HPSE2: variants seen among roughly 807,000 people sequenced by gnomAD.
HPSE2 encodes the protein inactive heparanase-2.
In HPSE2, 38 loss-of-function variants were observed where a neutral mutation model predicts 60.5. The observed-to-expected ratio is 0.63, with a 90% confidence interval of 0.48 to 0.82. HPSE2 has a LOEUF of 0.82. Among genes scored for constraint, HPSE2 ranks in the 40% least tolerant of loss-of-function variants. The pLI is 0.00. For missense variants in HPSE2, 713 were observed against 740.4 expected (o/e 0.96, Z 0.43); for synonymous variants, 295 against 293.2 (o/e 1.01, Z -0.06).
At chr10:98,582,877 T>A (rs1944839508) in intron 9 of HPSE2, among the ~76,000 whole-genome samples, 1 of 152,130 alleles carries the variant, frequency 6.6e-6, no homozygotes, top group Non-Finnish European at 1.5e-5. Flanking sequence ...AGAAATTCCA[T>A]AACTATTCAT....
At chr10:98,945,005 A>G (rs1172246136) in intron 3 of HPSE2, among the ~76,000 whole-genome samples, 1 of 152,156 alleles carries the variant, frequency 6.6e-6, no homozygotes, top group East Asian at 1.9e-4. Flanking sequence ...TTTTGCTGTC[A>G]CGCCACAATG....
intron 2 of HPSE2, among the ~76,000 whole-genome samples, chr10:99,222,636 C>T (rs956180127): frequency 9.9e-5 from 15 of 152,134 alleles, no homozygotes; most frequent in South Asian, 2.1e-4. Flanking sequence ...ATTTCCCTTA[C>T]ATCAATAACA....
At chr10:98,542,543 A>T (rs1943508583) in intron 9 of HPSE2, among the ~76,000 whole-genome samples, 1 of 152,070 alleles carries the variant, frequency 6.6e-6, no homozygotes, top group Non-Finnish European at 1.5e-5. Flanking sequence ...CTATGGGAGG[A>T]CATTCAAACC....
At position 98,548,386 on chromosome 10, in the gene HPSE2, T is replaced by C. The variant is rs144839228; in HGVS notation, c.1321-58190A>G. ...AATCCCAGCACTTTGGGAGGCCGAG[T>C]TGGGCATATGGCTTGAGGTCAGGAG... On this transcript the variant is annotated intron_variant, in intron 9 of 11. Transcript: ENST00000370552. Among the ~76,000 whole-genome samples the C allele has an allele frequency of 1.7e-3, 259 of 152,030 alleles. 1 individual carries two copies. The highest frequency in any genetic ancestry group is 6.1e-3 in the African/African-American group (252 of 41,472).
chr10:98,761,483 C>A (rs1950003671), intron 3 of HPSE2, among the ~76,000 whole-genome samples: 1 of 152,026 alleles, frequency 6.6e-6, no homozygotes, highest in Non-Finnish European at 1.5e-5. Context: ...TCATTAAGAT[C>A]TTTCTTTTTT....
chr10:98,607,864 T>G (rs1160891278), intron 9 of HPSE2, among the ~76,000 whole-genome samples: 1 of 152,204 alleles, frequency 6.6e-6, no homozygotes, highest in Non-Finnish European at 1.5e-5. Context: ...AAATATATAT[T>G]TGATAACAAA....
intron 11 of HPSE2, among the ~76,000 whole-genome samples, chr10:98,481,923 A>G (rs908147312): frequency 6.6e-6 from 1 of 152,050 alleles, no homozygotes; most frequent in Non-Finnish European, 1.5e-5. Flanking sequence ...TGTGGCCTAG[A>G]GTTGTTTTGT....
At chr10:99,061,732 G>A (rs1259588862) in intron 3 of HPSE2, among the ~76,000 whole-genome samples, 1 of 152,192 alleles carries the variant, frequency 6.6e-6, no homozygotes, top group East Asian at 1.9e-4. Context: ...CCAATTACTA[G>A]CTGTTTGAGC....
chr10:98,658,996 A>G (rs955423236), intron 6 of HPSE2, among the ~76,000 whole-genome samples: 2 of 151,842 alleles, frequency 1.3e-5, no homozygotes, highest in Admixed American at 1.3e-4. Context: ...CGTTTAGTAC[A>G]TTCACAAAGT....
At chr10:98,630,140 C>T (rs12257179) in intron 7 of HPSE2, among the ~76,000 whole-genome samples, 30 of 151,512 alleles carry the variant, frequency 2.0e-4, no homozygotes, top group Non-Finnish European at 4.3e-4. Context: ...CTATGGTTCA[C>T]TACAAAGAAA....
intron 9 of HPSE2, among the ~76,000 whole-genome samples, chr10:98,549,839 C>T (rs1285562354): frequency 1.3e-5 from 2 of 152,166 alleles, no homozygotes; most frequent in East Asian, 1.9e-4. Flanking sequence ...CTCTCTTAGA[C>T]GTGGTCTTTT....
intron 3 of HPSE2, among the ~76,000 whole-genome samples, chr10:99,104,498 GT>G (rs1844155913): frequency 6.6e-6 from 1 of 152,186 alleles, no homozygotes. Flanking sequence ...GTGGAAGACA[GT>G]GTGGCAATTC....
At chr10:99,042,045 T>C (rs943014318) in intron 3 of HPSE2, among the ~76,000 whole-genome samples, 10 of 152,174 alleles carry the variant, frequency 6.6e-5, no homozygotes, top group African/African-American at 2.4e-4. Flanking sequence ...ACCCAAGTCA[T>C]AGCCACCACA....
chr10:98,885,163 G>T (rs1463365521), intron 3 of HPSE2, among the ~76,000 whole-genome samples: 1 of 152,100 alleles, frequency 6.6e-6, no homozygotes, highest in Non-Finnish European at 1.5e-5. Flanking sequence ...ACTTCAGTGG[G>T]GGAAGTAACT....
intron 7 of HPSE2, among the ~76,000 whole-genome samples, chr10:98,638,825 C>T (rs1461531870): frequency 2.6e-5 from 4 of 152,170 alleles, no homozygotes; most frequent in South Asian, 2.1e-4. Context: ...ACACCTCTAG[C>T]GTATACTCAC....
chr10:98,586,358 T>C (rs572039052), intron 9 of HPSE2, among the ~76,000 whole-genome samples: 4 of 152,300 alleles, frequency 2.6e-5, no homozygotes, highest in African/African-American at 9.6e-5. Flanking sequence ...CTAGTGAAAT[T>C]CTTTTCAGCC....
chr10:98,550,897 C>T (rs1447436328), intron 9 of HPSE2, among the ~76,000 whole-genome samples: 1 of 152,174 alleles, frequency 6.6e-6, no homozygotes. Flanking sequence ...GCATGAGCCA[C>T]TGAACTTGGC....
intron 3 of HPSE2, among the ~76,000 whole-genome samples, chr10:99,071,449 G>A (rs1316232302): frequency 6.6e-6 from 1 of 152,018 alleles, no homozygotes; most frequent in African/African-American, 2.4e-5. Flanking sequence ...TGAGTACAAG[G>A]GTTCCAATTT....
chr10:98,913,689 C>T (rs1286587031), intron 3 of HPSE2, among the ~76,000 whole-genome samples: 2 of 152,122 alleles, frequency 1.3e-5, no homozygotes, highest in South Asian at 2.1e-4. Flanking sequence ...CCCAAGGATG[C>T]AGACCACTGA....
Sources: allele counts gnomAD v4.1 joint callset (sites outside exome capture counted in the v4.1 genomes callset), GRCh38; gene constraint gnomAD v4.1.1; transcripts MANE v1.5; gene names NCBI Gene and HGNC (gene_info 2026-07-23, HGNC 2026-07-21).